The following CA10 variants were observed in gnomAD, a reference collection of about 807,000 sequenced individuals.
CA10 encodes the protein carbonic anhydrase-related protein 10.
In CA10, 14 loss-of-function variants were observed where a neutral mutation model predicts 44.2. The ratio of observed to expected loss-of-function variants is 0.32; its 90% CI spans 0.21 to 0.50. The LOEUF (loss-of-function observed/expected upper bound fraction) is 0.50, where lower values mean the gene tolerates loss of function less well. Ranked by LOEUF, CA10 falls within the 20% of genes least tolerant of loss-of-function variation. The pLI, the probability that CA10 is intolerant of heterozygous loss-of-function variation, is 0.99. For synonymous variants in CA10, 159 were observed against 141.6 expected, an observed-to-expected ratio of 1.12 and a Z score of -0.87; for missense variants, 350 against 409.7, an observed-to-expected ratio of 0.85 and a Z score of 1.26.
chr17:51,700,449 G>A (rs1347756803), intron 4 of CA10, among the ~76,000 whole-genome samples: 1 of 152,120 alleles, frequency 6.6e-6, no homozygotes, highest in African/African-American at 2.4e-5. Flanking sequence ...GTTTGCTCAT[G>A]CTCTGGCCAC....
chr17:52,049,657 C>T (rs1378004799), intron 2 of CA10, among the ~76,000 whole-genome samples: 3 of 152,076 alleles, frequency 2.0e-5, no homozygotes, highest in Admixed American at 6.6e-5. Context: ...CACTCAGTGG[C>T]TATAAATATC....
chr17:52,091,936 G>A (rs1180156928), intron 1 of CA10, among the ~76,000 whole-genome samples: 3 of 152,194 alleles, frequency 2.0e-5, no homozygotes, highest in Admixed American at 1.3e-4. Flanking sequence ...TGGGATAAAT[G>A]TTACCTTTGA....
intron 2 of CA10, among the ~76,000 whole-genome samples, chr17:51,993,685 T>C (rs550646931): frequency 3.7e-4 from 56 of 152,062 alleles, no homozygotes; most frequent in Non-Finnish European, 6.6e-4. Context: ...AAATAAGTAT[T>C]ATTTTGAGCT....
chr17:51,873,476 A>G (rs1979910900), intron 3 of CA10, among the ~76,000 whole-genome samples: 1 of 152,236 alleles, frequency 6.6e-6, no homozygotes, highest in South Asian at 2.1e-4. Context: ...CTGGGAGGCA[A>G]AAAACTACAT....
intron 2 of CA10, among the ~76,000 whole-genome samples, chr17:51,947,522 A>ATGTC (rs1179333613): frequency 1.3e-5 from 2 of 152,194 alleles, no homozygotes; most frequent in Admixed American, 1.3e-4. Context: ...AAACAGACAG[A>ATGTC]TGTTTAGCTT....
intron 2 of CA10, among the ~76,000 whole-genome samples, chr17:52,005,954 A>G (rs1039975777): frequency 6.6e-6 from 1 of 151,840 alleles, no homozygotes; most frequent in African/African-American, 2.4e-5. Flanking sequence ...TGAAAAAAAG[A>G]CTGCCTTTAT....
intron 2 of CA10, among the ~76,000 whole-genome samples, chr17:51,944,562 G>A (rs538004678): frequency 1.1e-4 from 17 of 152,132 alleles, no homozygotes; most frequent in South Asian, 4.2e-4. Context: ...ATAGGGGAAC[G>A]GTTTAGTAAA....
intron 2 of CA10, among the ~76,000 whole-genome samples, chr17:52,029,491 T>A (rs1267927275): frequency 6.6e-6 from 1 of 152,036 alleles, no homozygotes; most frequent in Admixed American, 6.6e-5. Flanking sequence ...GGTCTTGGAG[T>A]TAAACCACAC....
chr17:52,158,367 C>G lies in CA10; in HGVS notation c.-581G>C, dbSNP rs1054572400. ...GCTGCTGCGCTCCGGGGCAGTTCTTCTCCTGCTTCCGGGGGGCGGGGAAGG... is the reference window on the plus strand; with the variant it reads ...GCTGCTGCGCTCCGGGGCAGTTCTTGTCCTGCTTCCGGGGGGCGGGGAAGG... On this transcript the variant is annotated 5_prime_UTR_variant, in exon 1 of 9. Coordinates refer to ENST00000451037, the MANE Select transcript of CA10 (RefSeq NM_020178.5). 2 of 177,260 alleles carry G rather than the reference C, an allele frequency of 1.1e-5. No individual in the cohort carries two copies. The highest frequency in any genetic ancestry group is 4.8e-5 in the African/African-American group (2 of 41,766). The allele number at this position is 177,260 out of a possible 1,614,324, so 11.0% of individuals were successfully genotyped here.
chr17:51,807,488 T>TA (rs1346657149), intron 3 of CA10, among the ~76,000 whole-genome samples: 1 of 152,198 alleles, frequency 6.6e-6, no homozygotes, highest in Non-Finnish European at 1.5e-5. Context: ...CTCTAGCTCT[T>TA]AGATCTGTTT....
intron 3 of CA10, among the ~76,000 whole-genome samples, chr17:51,793,760 A>G (rs1906608857): frequency 6.6e-6 from 1 of 152,228 alleles, no homozygotes; most frequent in Non-Finnish European, 1.5e-5. Flanking sequence ...TCTTTCAGAC[A>G]GATGTTTGGT....
intron 1 of CA10, among the ~76,000 whole-genome samples, chr17:52,143,596 T>C (rs1276569954): frequency 1.3e-5 from 2 of 152,202 alleles, no homozygotes; most frequent in African/African-American, 4.8e-5. Flanking sequence ...AAAGTGATGA[T>C]GTTCCATGAA....
intron 1 of CA10, among the ~76,000 whole-genome samples, chr17:52,084,178 C>T (rs899970214): frequency 1.2e-4 from 18 of 152,136 alleles, no homozygotes; most frequent in Non-Finnish European, 2.2e-4. Flanking sequence ...ATGTGGTCTT[C>T]GCTGGGACAA....
intron 2 of CA10, among the ~76,000 whole-genome samples, chr17:51,987,476 G>T (rs1269669131): frequency 6.6e-6 from 1 of 151,730 alleles, no homozygotes; most frequent in Non-Finnish European, 1.5e-5. Context: ...CACCACTAAA[G>T]AACTTACTCA....
intron 1 of CA10, among the ~76,000 whole-genome samples, chr17:52,121,689 C>T (rs866970416): frequency 6.6e-6 from 1 of 152,010 alleles, no homozygotes. Flanking sequence ...TACACACACA[C>T]ACACACACAC....
intron 4 of CA10, among the ~76,000 whole-genome samples, chr17:51,685,595 G>A (rs1318922324): frequency 6.6e-6 from 1 of 152,098 alleles, no homozygotes; most frequent in East Asian, 1.9e-4. Flanking sequence ...GAAGGACTTG[G>A]GATAATGAAT....
intron 2 of CA10, among the ~76,000 whole-genome samples, chr17:51,950,249 C>T (rs141823405): frequency 1.3e-5 from 2 of 152,232 alleles, no homozygotes; most frequent in African/African-American, 4.8e-5. Flanking sequence ...CCTGTGTTAC[C>T]TCTGACCCTC....
At chr17:51,967,692 G>A (rs186832693) in intron 2 of CA10, among the ~76,000 whole-genome samples, 17 of 151,764 alleles carry the variant, frequency 1.1e-4, no homozygotes, top group African/African-American at 3.9e-4. Context: ...CTACTACAGG[G>A]GAAAGTGAGA....
chr17:51,836,033 G>A (rs1048722725), intron 3 of CA10, among the ~76,000 whole-genome samples: 3 of 152,028 alleles, frequency 2.0e-5, no homozygotes, highest in African/African-American at 4.8e-5. Context: ...GCAAGGAGAG[G>A]AAAGAGAAGG....
Sources: allele counts gnomAD v4.1 joint callset (sites outside exome capture counted in the v4.1 genomes callset), GRCh38; gene constraint gnomAD v4.1.1; transcripts MANE v1.5; gene names NCBI Gene and HGNC (gene_info 2026-07-23, HGNC 2026-07-21).